The following ANGEL2 variants were observed in gnomAD, a reference collection of about 807,000 sequenced individuals.
ANGEL2 encodes angel homolog 2.
ANGEL2 carries 41 observed loss-of-function variants against 66.0 expected under a neutral mutation model. The ratio of observed to expected loss-of-function variants is 0.62; its 90% CI spans 0.48 to 0.81. The LOEUF (loss-of-function observed/expected upper bound fraction) is 0.81, where lower values mean the gene tolerates loss of function less well. Ranked by LOEUF, ANGEL2 falls within the 30% of genes least tolerant of loss-of-function variation. The probability of loss-of-function intolerance (pLI) is 0.00; values close to 1 mark genes in which losing one functional copy is unlikely to be tolerated. For missense variants in ANGEL2, 561 were observed against 641.6 expected, an observed-to-expected ratio of 0.87 and a Z score of 1.36; for synonymous variants, 208 against 226.5, an observed-to-expected ratio of 0.92 and a Z score of 0.73.
At position 213,008,194 on chromosome 1, in the gene ANGEL2, A is replaced by C; in HGVS notation, c.642+16T>G. ...TTTTTCTTATGTGAAGAATTTCAAT[A>C]ATATTTTGCACTTACGTCTGCATCA... On this transcript the variant is annotated intron_variant, in intron 3 of 8. Coordinates refer to ENST00000366962, the MANE Select transcript of ANGEL2 (RefSeq NM_144567.5). 2.5e-6 allele frequency: 4 copies of C among 1,603,540 alleles called. No individual in the cohort carries two copies. The highest frequency in any genetic ancestry group is 3.4e-6 in the Non-Finnish European group (4 of 1,173,936).
At chr1:213,011,457 A>C in intron 2 of ANGEL2, 2 of 1,118,940 alleles carry the variant, frequency 1.8e-6, no homozygotes, top group Non-Finnish European at 2.2e-6. Context: ...TATTCACAAC[A>C]CCTAGGAAGA....
At chr1:213,003,568 G>A (rs998709729) in intron 5 of ANGEL2, among the ~76,000 whole-genome samples, 2 of 152,154 alleles carry the variant, frequency 1.3e-5, no homozygotes, top group Non-Finnish European at 2.9e-5. Context: ...TAGTGGAGCA[G>A]TCAGAACACA....
chr1:213,011,029 G>C (rs1355601804), intron 2 of ANGEL2, among the ~76,000 whole-genome samples: 4 of 152,136 alleles, frequency 2.6e-5, no homozygotes, highest in African/African-American at 9.7e-5. Flanking sequence ...GACTGGGGCT[G>C]GGATGATGGG....
chr1:213,015,549 G>T (rs1266723751), intron 1 of ANGEL2, 64 bp downstream of exon 1: 1 of 944,048 alleles, frequency 1.1e-6, no homozygotes, highest in Non-Finnish European at 1.4e-6. Flanking sequence ...AGTCCCGGAC[G>T]CCCGCCCGCT....
At chr1:213,003,208 ATCT>A (rs2076226180) in intron 5 of ANGEL2, among the ~76,000 whole-genome samples, 1 of 152,176 alleles carries the variant, frequency 6.6e-6, no homozygotes, top group South Asian at 2.1e-4. Context: ...GGCTGGTTTG[ATCT>A]TCTATCCAGA....
chr1:213,002,475 T>C (rs1039077381), intron 5 of ANGEL2, among the ~76,000 whole-genome samples: 10 of 152,234 alleles, frequency 6.6e-5, no homozygotes, highest in Non-Finnish European at 1.5e-4. Flanking sequence ...GAATGGTCAA[T>C]GAATGCTGAC....
At chr1:213,000,239 C>T (rs2076141424) in intron 7 of ANGEL2, 87 bp downstream of exon 7, 1 of 1,316,454 alleles carries the variant, frequency 7.6e-7, no homozygotes, top group African/African-American at 1.5e-5. Flanking sequence ...CTATCACCTT[C>T]ATTTTTTTAT....
At chr1:213,015,309 G>A in intron 1 of ANGEL2, 2 of 1,319,102 alleles carry the variant, frequency 1.5e-6, no homozygotes, top group Non-Finnish European at 1.9e-6. Context: ...CTGGTCTGGA[G>A]GCTGGGTTGG....
At position 212,994,416 on chromosome 1, in the gene ANGEL2, G is replaced by C. The variant is rs2075944480; in HGVS notation, c.*625C>G. 1 of 152,144 alleles carries C rather than the reference G, an allele frequency of 6.6e-6. No homozygotes were observed. The highest frequency in any genetic ancestry group is 1.5e-5 in the Non-Finnish European group (1 of 68,068). The allele number at this position is 152,144 out of a possible 1,614,324, so 9.4% of individuals were successfully genotyped here. A position where few individuals can be genotyped will look rare whatever the true frequency, so the allele number is the denominator to read the frequency against. ...AGAGTGAGCTTTACACGTTATGCTG[G>C]CTTATATTTCCCAAACATTTCCCCA... On this transcript the variant is annotated 3_prime_UTR_variant, in exon 9 of 9. Coordinates refer to ENST00000366962, the MANE Select transcript of ANGEL2 (RefSeq NM_144567.5).
At position 212,993,380 on chromosome 1, in the gene ANGEL2, TAGACA is replaced by T. The variant is rs1180888189; in HGVS notation, c.*1656_*1660del. 2.6e-5 allele frequency: 4 copies of T among 152,236 alleles called. No homozygotes were observed. The highest frequency in any genetic ancestry group is 5.9e-5 in the Non-Finnish European group (4 of 68,044). The allele number at this position is 152,236 out of a possible 1,614,324, so 9.4% of individuals were successfully genotyped here. A position where few individuals can be genotyped will look rare whatever the true frequency, so the allele number is the denominator to read the frequency against. ...AAACATATTCAATTACAATTTTTAC[TAGACA>T]AATCTTATAATCCACATGCCTTCTC... On this transcript the variant is annotated 3_prime_UTR_variant, in exon 9 of 9. Coordinates refer to ENST00000366962, the MANE Select transcript of ANGEL2 (RefSeq NM_144567.5).
chr1:213,005,937 ACCT>A (rs1169999459), intron 4 of ANGEL2, among the ~76,000 whole-genome samples: 1 of 152,010 alleles, frequency 6.6e-6, no homozygotes, highest in Non-Finnish European at 1.5e-5. Flanking sequence ...TTCAAATGTC[ACCT>A]CGTCTGATCA....
At chr1:212,996,280 C>G (rs914463131) in intron 8 of ANGEL2, among the ~76,000 whole-genome samples, 2 of 152,050 alleles carry the variant, frequency 1.3e-5, no homozygotes, top group East Asian at 1.9e-4. Context: ...GCACTCCAGC[C>G]TGGGCGACGA....
At chr1:213,010,526 T>C (rs533142306) in intron 2 of ANGEL2, among the ~76,000 whole-genome samples, 11 of 149,734 alleles carry the variant, frequency 7.3e-5, no homozygotes, top group African/African-American at 2.2e-4. Context: ...AAGCTGAGAT[T>C]GCGCCATTGC....
intron 7 of ANGEL2, among the ~76,000 whole-genome samples, chr1:212,999,306 G>A (rs1015003493): frequency 2.0e-5 from 3 of 152,104 alleles, no homozygotes; most frequent in Non-Finnish European, 4.4e-5. Flanking sequence ...GAGCCAACAC[G>A]CCCAGCCAAT....
intron 1 of ANGEL2, among the ~76,000 whole-genome samples, chr1:213,013,703 G>C (rs989641523): frequency 5.3e-5 from 8 of 152,162 alleles, no homozygotes; most frequent in African/African-American, 1.9e-4. Context: ...GTTCAACTGA[G>C]AGATGAATCA....
rs2075885477 is a variant in ANGEL2, at chr1:212,992,580, T to G, written c.*2461A>C. On this transcript the variant is annotated 3_prime_UTR_variant, in exon 9 of 9. Transcript: ENST00000366962. ...TGGATAATTATTTTTAGTGGAGCTT[T>G]AAAAACCTGTGAGAAGCTCACATTG... 6.6e-6 allele frequency: 1 copy of G among 152,214 alleles called. No individual in the cohort carries two copies. The highest frequency in any genetic ancestry group is 1.5e-5 in the Non-Finnish European group (1 of 68,020). 9.4% of individuals were successfully genotyped at this position (152,214 alleles called of 1,614,324 possible).
At chr1:213,015,426 G>A (rs2076617404) in intron 1 of ANGEL2, 187 bp downstream of exon 1, 4 of 1,421,634 alleles carry the variant, frequency 2.8e-6, no homozygotes, top group Non-Finnish European at 2.7e-6. Flanking sequence ...CGCCAGCTGC[G>A]CGGCGGGTTT....
At chr1:212,995,585 A>G (rs1464378114) in intron 8 of ANGEL2, among the ~76,000 whole-genome samples, 1 of 152,252 alleles carries the variant, frequency 6.6e-6, no homozygotes, top group African/African-American at 2.4e-5. Context: ...AGAATAAATT[A>G]GTATAATTTA....
In ANGEL2 at chr1:213,007,143, C is replaced by G. The variant is rs564082006; in HGVS notation, c.698G>C (p.Ser233Thr). Reference protein sequence around the residue: ...EDHYGAEIRPSLESLGYHCEY... With the variant: ...EDHYGAEIRPTLESLGYHCEY... ...TTGCATTGTACCCAGTGATTCCAAA[C>G]TTGGCCTGATCTCTGCTCCATAATG... The change falls in exon 4 of 9, where the codon AGT becomes ACT. Residue 233 changes from serine to threonine, a missense_variant. Transcript: ENST00000366962. 6.3e-7 allele frequency: 1 copy of G among 1,594,228 alleles called. No individual in the cohort carries two copies. Among genetic ancestry groups the G allele is most frequent in the South Asian group, 1.1e-5 (1 of 89,800 alleles).
Sources: gnomAD v4.1 joint callset for allele counts (sites outside exome capture counted in the v4.1 genomes callset) on GRCh38, gnomAD v4.1.1 for gene constraint, MANE v1.5 for transcripts, NCBI Gene and HGNC (gene_info 2026-07-23, HGNC 2026-07-21) for gene names.